SVIL: variants seen among roughly 807,000 people sequenced by gnomAD.
SVIL encodes archvillin.
SVIL carries 101 observed loss-of-function variants against 240.4 expected under a neutral mutation model. The observed-to-expected ratio is 0.42, with a 90% CI of 0.36 to 0.50. SVIL has a LOEUF of 0.50. Among genes scored for constraint, SVIL ranks in the 20% least tolerant of loss-of-function variants. The probability of loss-of-function intolerance (pLI) is 0.01; values close to 1 mark genes in which losing one functional copy is unlikely to be tolerated. For synonymous variants in SVIL, 999 were observed against 1,100.0 expected (o/e 0.91, Z 1.82); for missense variants, 2,512 against 2,818.7 (o/e 0.89, Z 2.46).
chr10:29,571,993 A>C (rs1472957353), intron 1 of SVIL, among the ~76,000 whole-genome samples: 1 of 152,190 alleles, frequency 6.6e-6, no homozygotes, highest in African/African-American at 2.4e-5. Flanking sequence ...CCTGGTGCAC[A>C]GTAGGGCTGC....
chr10:29,489,973 G>A (rs577012136), intron 22 of SVIL, among the ~76,000 whole-genome samples: 8 of 152,160 alleles, frequency 5.3e-5, no homozygotes, highest in Non-Finnish European at 1.0e-4. Flanking sequence ...GAAAATTATA[G>A]CAAGATTATC....
chr10:29,564,215 T>C (rs1218431335), intron 2 of SVIL, among the ~76,000 whole-genome samples: 3 of 152,162 alleles, frequency 2.0e-5, no homozygotes, highest in African/African-American at 7.2e-5. Flanking sequence ...AGCACAACAC[T>C]GGAACTAGTA....
In SVIL at chr10:29,633,605, C is replaced by A. The variant is rs186377710; in HGVS notation, c.-201+815G>T. ...TCTCTATAAATACTCTGTTTTCCTA[C>A]CTGGTAAAAATAATGACTGCCCGTA... On this transcript the variant is annotated intron_variant, in intron 1 of 37. Coordinates refer to ENST00000355867, the MANE Select transcript of SVIL (RefSeq NM_021738.3). Among the ~76,000 whole-genome samples the A allele has an allele frequency of 1.2e-4, 19 of 152,226 alleles. No individual in the cohort carries two copies. The East Asian group carries it at 3.7e-3, about 29-fold the overall frequency.
intron 10 of SVIL, among the ~76,000 whole-genome samples, chr10:29,530,992 C>G (rs1373389505): frequency 1.3e-5 from 2 of 152,178 alleles, no homozygotes; most frequent in Admixed American, 6.5e-5. Flanking sequence ...GCAGCAACAA[C>G]AAGAAGAACC....
chr10:29,536,214 T>C (rs1459809024), intron 6 of SVIL, 145 bp from the exon 7 acceptor site: 2 of 757,742 alleles, frequency 2.6e-6, no homozygotes, highest in Non-Finnish European at 4.3e-6. Flanking sequence ...GGAGTACACA[T>C]GGTCACAAAG....
At chr10:29,465,456 G>C in intron 34 of SVIL, 139 bp downstream of exon 34, 1 of 1,061,904 alleles carries the variant, frequency 9.4e-7, no homozygotes, top group Non-Finnish European at 1.3e-6. Flanking sequence ...GATGAAAAGA[G>C]TGTAAGCACA....
At chr10:29,551,426 G>A (rs1564626348) in intron 5 of SVIL, among the ~76,000 whole-genome samples, 163 bp from the exon 6 acceptor site, 1 of 152,196 alleles carries the variant, frequency 6.6e-6, no homozygotes, top group Admixed American at 6.5e-5. Context: ...ATTTACCTGG[G>A]CTGTTGAAGA....
intron 36 of SVIL, 103 bp downstream of exon 36, chr10:29,462,174 T>C: frequency 7.1e-7 from 1 of 1,403,000 alleles, no homozygotes; most frequent in Non-Finnish European, 9.5e-7. Context: ...GAAAAATATT[T>C]TCCCACTCTG....
chr10:29,622,249 CAAAAAAAAAAAAA>C (rs71020801), intron 1 of SVIL, among the ~76,000 whole-genome samples: 4 of 51,634 alleles, frequency 7.7e-5, no homozygotes, highest in African/African-American at 9.9e-5. Flanking sequence ...GACTCCGTCT[CAAAAAAAAAAAAA>C]AAAAAAAAAA....
intron 1 of SVIL, among the ~76,000 whole-genome samples, chr10:29,688,610 C>T (rs1420611826): frequency 1.3e-5 from 2 of 152,130 alleles, no homozygotes; most frequent in Non-Finnish European, 2.9e-5. Context: ...GTCATTTGAG[C>T]ACTGAAATGC....
At chr10:29,677,124 C>T (rs975306299) in intron 2 of SVIL, among the ~76,000 whole-genome samples, 2 of 152,140 alleles carry the variant, frequency 1.3e-5, no homozygotes. Flanking sequence ...TTAAATCTCC[C>T]TCCATGTGAG....
intron 3 of SVIL, among the ~76,000 whole-genome samples, chr10:29,657,449 T>A (rs914827728): frequency 8.5e-5 from 13 of 152,172 alleles, no homozygotes; most frequent in African/African-American, 2.9e-4. Context: ...CATAGACCCA[T>A]CCTCTGACCC....
chr10:29,568,884 G>A (rs1260276162), intron 2 of SVIL, among the ~76,000 whole-genome samples: 2 of 151,932 alleles, frequency 1.3e-5, no homozygotes, highest in East Asian at 3.9e-4. Flanking sequence ...GGGAGCAGAG[G>A]AAGGAAGGAG....
At chr10:29,534,475 C>A (rs1303950536) in intron 7 of SVIL, among the ~76,000 whole-genome samples, 1 of 152,156 alleles carries the variant, frequency 6.6e-6, no homozygotes, top group Non-Finnish European at 1.5e-5. Flanking sequence ...TACACTCCAG[C>A]ATAGGCAACA....
chr10:29,554,793 GC>G lies in SVIL; in HGVS notation c.149del (p.Ser50ThrfsTer18). ...PRYMRASDPA[S>X]PHIGRSNEEE... ...CAGCTCCACGCTCACCGATGTGGGG[GC>G]TGGCAGGGTCGCTGGCTCTCATGTA... On this transcript the variant is annotated frameshift_variant, in exon 5 of 38. Transcript: ENST00000355867. LOFTEE classifies it high-confidence loss of function. 1 of 1,601,004 alleles carries G rather than the reference GC, an allele frequency of 6.2e-7. No homozygotes were observed. The highest frequency in any genetic ancestry group is 8.5e-7 in the Non-Finnish European group (1 of 1,174,324).
intron 1 of SVIL, among the ~76,000 whole-genome samples, chr10:29,719,886 A>G (rs1963871081): frequency 1.3e-5 from 2 of 152,250 alleles, no homozygotes; most frequent in Non-Finnish European, 2.9e-5. Flanking sequence ...ACAGAGGGAT[A>G]GAAAATGATA....
At chr10:29,701,149 C>T (rs1405707599) in intron 1 of SVIL, among the ~76,000 whole-genome samples, 1 of 152,108 alleles carries the variant, frequency 6.6e-6, no homozygotes, top group South Asian at 2.1e-4. Flanking sequence ...CCATACCCCA[C>T]CCACCCCTCA....
At chr10:29,576,170 T>C in intron 1 of SVIL, 1 of 962,128 alleles carries the variant, frequency 1.0e-6, no homozygotes, top group Non-Finnish European at 1.2e-6. Context: ...ATGCCAATGG[T>C]AAATAAGACC....
chr10:29,463,695 A>C, intron 34 of SVIL, 60 bp from the exon 35 acceptor site: 68 of 1,556,076 alleles, frequency 4.4e-5, no homozygotes, highest in East Asian at 7.1e-5. Context: ...CTTCTAGCTC[A>C]CTCCTCCCCC....
Sources: gnomAD v4.1 joint callset for allele counts (sites outside exome capture counted in the v4.1 genomes callset) on GRCh38, gnomAD v4.1.1 for gene constraint, MANE v1.5 for transcripts, NCBI Gene and HGNC (gene_info 2026-07-23, HGNC 2026-07-21) for gene names.